Variants in CCSER1 observed in about 807,000 individuals in gnomAD.
The protein encoded by CCSER1 is coiled-coil serine rich protein 1.
CCSER1 carries 41 observed loss-of-function variants against 82.0 expected under a neutral mutation model. The ratio of observed to expected loss-of-function variants is 0.50; its 90% CI spans 0.39 to 0.65. The LOEUF (loss-of-function observed/expected upper bound fraction) is 0.65. Among genes scored for constraint, CCSER1 ranks in the 30% least tolerant of loss-of-function variants. The probability of loss-of-function intolerance (pLI) is 0.00; values close to 1 mark genes in which losing one functional copy is unlikely to be tolerated. For missense variants in CCSER1, 1,119 were observed against 1,064.2 expected (o/e 1.05, Z -0.72); for synonymous variants, 414 against 383.9 (o/e 1.08, Z -0.92).
intron 7 of CCSER1, among the ~76,000 whole-genome samples, chr4:90,750,267 C>T (rs1748377762): frequency 1.3e-5 from 2 of 152,006 alleles, no homozygotes; most frequent in African/African-American, 4.8e-5. Flanking sequence ...ATGGTAGTTT[C>T]TTTTGCTGTG....
At chr4:91,565,184 A>C (rs1762832213) in intron 10 of CCSER1, among the ~76,000 whole-genome samples, 1 of 151,516 alleles carries the variant, frequency 6.6e-6, no homozygotes, top group Non-Finnish European at 1.5e-5. Context: ...TGGTTTTGTC[A>C]GCTTTGTTGA....
intron 10 of CCSER1, among the ~76,000 whole-genome samples, chr4:91,424,110 G>A (rs919566984): frequency 1.5e-5 from 2 of 135,624 alleles, no homozygotes; most frequent in Admixed American, 8.5e-5. Flanking sequence ...TCCGCTTCCC[G>A]GGTTCACGCC....
At chr4:91,129,661 C>G (rs541848457) in intron 10 of CCSER1, among the ~76,000 whole-genome samples, 17 of 152,054 alleles carry the variant, frequency 1.1e-4, no homozygotes, top group African/African-American at 4.1e-4. Flanking sequence ...CCAAAGGACT[C>G]TTGGACACGA....
chr4:90,243,387 T>G (rs544149596), intron 1 of CCSER1, among the ~76,000 whole-genome samples: 1 of 152,194 alleles, frequency 6.6e-6, no homozygotes, highest in East Asian at 1.9e-4. Flanking sequence ...TAGCTGGGAT[T>G]ACAGGAGCGT....
At chr4:91,426,288 T>C (rs1317745935) in intron 10 of CCSER1, among the ~76,000 whole-genome samples, 1 of 152,214 alleles carries the variant, frequency 6.6e-6, no homozygotes, top group Non-Finnish European at 1.5e-5. Context: ...AATCTATTAT[T>C]GATGGACATT....
At chr4:91,115,573 C>T (rs1040859345) in intron 10 of CCSER1, among the ~76,000 whole-genome samples, 6 of 137,328 alleles carry the variant, frequency 4.4e-5, no homozygotes, top group African/African-American at 1.5e-4. Context: ...GATCTGCCCG[C>T]CTTGGTCAAC....
At chr4:91,077,352 T>A (rs993881942) in intron 9 of CCSER1, among the ~76,000 whole-genome samples, 2 of 152,090 alleles carry the variant, frequency 1.3e-5, no homozygotes, top group African/African-American at 4.8e-5. Context: ...TCTAAATCAA[T>A]GCACCTAAAT....
intron 1 of CCSER1, among the ~76,000 whole-genome samples, chr4:90,239,958 C>T (rs142773702): frequency 2.2e-3 from 337 of 152,186 alleles, no homozygotes; most frequent in Non-Finnish European, 3.5e-3. Flanking sequence ...TAAAGTATGA[C>T]AAAAGAGTAA....
intron 5 of CCSER1, among the ~76,000 whole-genome samples, chr4:90,497,528 A>T (rs1460368141): frequency 6.6e-6 from 1 of 152,212 alleles, no homozygotes; most frequent in South Asian, 2.1e-4. Flanking sequence ...TTTATAGTAC[A>T]TCTTAAACAA....
chr4:90,467,845 C>T (rs1034022843), intron 4 of CCSER1, among the ~76,000 whole-genome samples: 2 of 152,044 alleles, frequency 1.3e-5, no homozygotes, highest in African/African-American at 4.8e-5. Context: ...GAAGGGGTAC[C>T]ACAGGAGGAT....
chr4:90,728,879 C>T (rs1514734), intron 7 of CCSER1, among the ~76,000 whole-genome samples: 35,679 of 152,048 alleles, frequency 0.23, 5,439 homozygotes, highest in African/African-American at 0.43. Context: ...GGATGGATCA[C>T]ACTATTTTAA....
intron 9 of CCSER1, among the ~76,000 whole-genome samples, chr4:90,941,933 T>C (rs995728089): frequency 6.6e-6 from 1 of 151,710 alleles, no homozygotes; most frequent in Admixed American, 6.6e-5. Context: ...TCTTCTATTT[T>C]TTTTTCGTTT....
At chr4:90,231,009 A>C (rs74360999) in intron 1 of CCSER1, among the ~76,000 whole-genome samples, 57,123 of 151,470 alleles carry the variant, frequency 0.38, 10,917 homozygotes, top group South Asian at 0.48. Context: ...GAGTCCAGGA[A>C]CAGATGGATT....
chr4:90,323,925 T>C (rs1473985512), intron 3 of CCSER1, among the ~76,000 whole-genome samples: 1 of 152,108 alleles, frequency 6.6e-6, no homozygotes, highest in African/African-American at 2.4e-5. Flanking sequence ...CGGTATTTGG[T>C]TTTTTGTTCT....
At chr4:91,033,070 C>T (rs377472989) in intron 9 of CCSER1, among the ~76,000 whole-genome samples, 1 of 148,080 alleles carries the variant, frequency 6.8e-6, no homozygotes, top group Non-Finnish European at 1.5e-5. Flanking sequence ...AAAAAAAAAA[C>T]TTTAATTAAG....
chr4:90,267,746 C>G (rs185586687), intron 1 of CCSER1, among the ~76,000 whole-genome samples: 52 of 152,302 alleles, frequency 3.4e-4, no homozygotes, highest in Admixed American at 6.5e-4. Flanking sequence ...TGGTACCTCT[C>G]TAAGTATGCA....
rs1553982851 is a variant in CCSER1, at chr4:90,271,890, T to TTTTTA, written c.-41-36354_-41-36353insTTTTA. Reference sequence around the variant, plus strand: ...TTTTTTTTTTTTTTTTTTTTTTTTTTAAAAGGAGGTTTAATTGACTCACAG... The same window carrying TTTTTA: ...TTTTTTTTTTTTTTTTTTTTTTTTTTTTTTAAAAAGGAGGTTTAATTGACTCACAG... On this transcript the variant is annotated intron_variant, in intron 1 of 10. Transcript: ENST00000509176. Among the ~76,000 whole-genome samples the TTTTTA allele has an allele frequency of 9.4e-4, 66 of 70,088 alleles. 7 individuals carry two copies. Among genetic ancestry groups the TTTTTA allele is most frequent in the African/African-American group, 1.6e-3 (29 of 18,262 alleles). The allele number at this position is 70,088 out of a possible 152,430, so 46.0% of individuals were successfully genotyped here.
At chr4:90,796,704 A>T (rs1035406692) in intron 7 of CCSER1, among the ~76,000 whole-genome samples, 1 of 152,116 alleles carries the variant, frequency 6.6e-6, no homozygotes, top group African/African-American at 2.4e-5. Flanking sequence ...ATTTATTTCA[A>T]AGAACTTTCT....
intron 1 of CCSER1, among the ~76,000 whole-genome samples, chr4:90,292,028 G>A (rs543658204): frequency 3.3e-5 from 5 of 151,968 alleles, no homozygotes; most frequent in African/African-American, 1.2e-4. Flanking sequence ...AAGAAAATAG[G>A]TATATGATTT....
Sources: gnomAD v4.1 joint callset for allele counts (sites outside exome capture counted in the v4.1 genomes callset) on GRCh38, gnomAD v4.1.1 for gene constraint, MANE v1.5 for transcripts, NCBI Gene and HGNC (gene_info 2026-07-23, HGNC 2026-07-21) for gene names.